The following SNX10 variants were observed in gnomAD, a reference collection of about 807,000 sequenced individuals.
The protein encoded by SNX10 is sorting nexin-10.
A neutral mutation model predicts 28.5 loss-of-function variants in SNX10; 25 were observed. The ratio of observed to expected loss-of-function variants is 0.88; its 90% CI spans 0.64 to 1.22. The LOEUF is 1.22. Ranked by LOEUF, SNX10 falls within the 50% of genes most tolerant of loss-of-function variation. SNX10 has a pLI of 0.00. For synonymous variants in SNX10, 62 were observed against 81.4 expected, an observed-to-expected ratio of 0.76 and a Z score of 1.28; for missense variants, 223 against 242.6, an observed-to-expected ratio of 0.92 and a Z score of 0.54.
intron 1 of SNX10, among the ~76,000 whole-genome samples, chr7:26,334,604 C>T (rs1399909866): frequency 1.3e-5 from 2 of 152,054 alleles, no homozygotes; most frequent in African/African-American, 4.8e-5. Flanking sequence ...CTAAATTTGG[C>T]CTACTATCAA....
At chr7:26,296,066 T>C (rs1786097122) in intron 1 of SNX10, among the ~76,000 whole-genome samples, 1 of 151,780 alleles carries the variant, frequency 6.6e-6, no homozygotes, top group African/African-American at 2.4e-5. Context: ...GCCCAGGAGG[T>C]TGAGGCTGCA....
rs927649582 is a variant in SNX10, at chr7:26,372,424, A to G, written c.525-67A>G. Reference sequence around the variant, plus strand: ...TAATTAAAGTTCTCCTCTGTTACTCAGGCTTTGAGTGTGTTGTGAAAACCA... The same window carrying G: ...TAATTAAAGTTCTCCTCTGTTACTCGGGCTTTGAGTGTGTTGTGAAAACCA... On this transcript the variant is annotated intron_variant, in intron 6 of 6. Transcript: ENST00000338523. The G allele has an allele frequency of 2.3e-5, 22 of 960,798 alleles. No individual in the cohort carries two copies. The East Asian group carries it at 5.0e-4, about 22-fold the overall frequency. The allele number at this position is 960,798 out of a possible 1,614,324, so 59.5% of individuals were successfully genotyped here. A position where few individuals can be genotyped will look rare whatever the true frequency, so the allele number is the denominator to read the frequency against.
intron 1 of SNX10, among the ~76,000 whole-genome samples, chr7:26,327,297 C>G (rs140424378): frequency 1.3e-5 from 2 of 152,264 alleles, no homozygotes; most frequent in African/African-American, 2.4e-5. Context: ...AAGCATATGT[C>G]CACTAGCCAC....
chr7:26,355,978 G>A (rs1383942191), intron 2 of SNX10, among the ~76,000 whole-genome samples: 1 of 152,050 alleles, frequency 6.6e-6, no homozygotes, highest in African/African-American at 2.4e-5. Context: ...TTTGTGAAAC[G>A]GTATAATGCC....
At chr7:26,320,390 G>A (rs1787264781) in intron 1 of SNX10, among the ~76,000 whole-genome samples, 1 of 151,304 alleles carries the variant, frequency 6.6e-6, no homozygotes, top group South Asian at 2.1e-4. Flanking sequence ...GTTTACCTTG[G>A]CATATATTTT....
chr7:26,351,969 A>T (rs957663090), intron 2 of SNX10, among the ~76,000 whole-genome samples: 3 of 152,064 alleles, frequency 2.0e-5, no homozygotes, highest in African/African-American at 7.2e-5. Context: ...AATCTTAATG[A>T]AGTATGGACT....
At position 26,346,404 on chromosome 7, in the gene SNX10, A is replaced by G. The variant is rs766117584; in HGVS notation, c.-23-16A>G. On this transcript the variant is annotated splice_polypyrimidine_tract_variant and intron_variant, in intron 1 of 6. Transcript: ENST00000338523. ...GGAGGTTCCAAATGACCCAGTGTGG[A>G]TATCTTATTTTTCAGATTGATCGTG... 2.6e-6 allele frequency: 4 copies of G among 1,568,552 alleles called. No homozygotes were observed. In the East Asian group the frequency reaches 9.0e-5, roughly 35 times the overall value.
rs574705674 is a variant in SNX10, at chr7:26,364,284, G to A, written c.112-251G>A. The A allele has an allele frequency of 5.2e-6, 6 of 1,152,448 alleles. No individual in the cohort carries two copies. The African/African-American group carries it at 9.5e-5, about 18-fold the overall frequency. The allele number at this position is 1,152,448 out of a possible 1,614,324, so 71.4% of individuals were successfully genotyped here. ...ATAGGTGAGTAGGAGGCTCCTTCAG[G>A]ATGCAGGGAGTGGCCAGGTCATACC... On this transcript the variant is annotated intron_variant, in intron 3 of 6. Transcript: ENST00000338523. The surrounding 1 kb of genome is among the most constrained non-coding windows in gnomAD (Gnocchi z 4.9).
At chr7:26,318,281 C>T (rs972791138) in intron 1 of SNX10, among the ~76,000 whole-genome samples, 1 of 152,062 alleles carries the variant, frequency 6.6e-6, no homozygotes, top group Non-Finnish European at 1.5e-5. Context: ...TGCAGGGATC[C>T]TTGTGCATCC....
At chr7:26,358,636 G>A (rs1209952428) in intron 2 of SNX10, among the ~76,000 whole-genome samples, 1 of 151,864 alleles carries the variant, frequency 6.6e-6, no homozygotes, top group Non-Finnish European at 1.5e-5. Context: ...TACTGGGGGC[G>A]GGGTTGGCTA....
chr7:26,365,069 A>G lies in SNX10; in HGVS notation c.235A>G (p.Lys79Glu). The G allele has an allele frequency of 6.2e-7, 1 of 1,610,374 alleles. No homozygotes were observed. Among genetic ancestry groups the G allele is most frequent in the South Asian group, 1.1e-5 (1 of 90,998 alleles). Residue 79 changes from lysine (K) to glutamate (E), a missense_variant, in exon 5 of 7, where the codon AAA becomes GAA. By Grantham distance (56) the Lys-to-Glu change is moderately conservative (BLOSUM62 1). Coordinates refer to ENST00000338523, the MANE Select transcript of SNX10 (RefSeq NM_013322.3). ...AAGACAACTGCCAGAACTTCCATCT[A>G]AAAACCTGTTTTTCAACATGAACAA... Reference protein sequence around the residue: ...LLVQLPELPSKNLFFNMNNRQ... With the variant: ...LLVQLPELPSENLFFNMNNRQ...
At chr7:26,321,243 G>A (rs1002152943) in intron 1 of SNX10, among the ~76,000 whole-genome samples, 18 of 152,060 alleles carry the variant, frequency 1.2e-4, no homozygotes, top group African/African-American at 4.1e-4. Context: ...TATTTGATGG[G>A]GATGACAATT....
chr7:26,323,578 G>T (rs1423467189), intron 1 of SNX10, among the ~76,000 whole-genome samples: 1 of 152,206 alleles, frequency 6.6e-6, no homozygotes, highest in East Asian at 1.9e-4. Context: ...TTGGGGAAGA[G>T]GGGCCTTGTT....
At chr7:26,361,316 C>G (rs942523481) in intron 3 of SNX10, among the ~76,000 whole-genome samples, 1 of 152,108 alleles carries the variant, frequency 6.6e-6, no homozygotes, top group East Asian at 1.9e-4. Flanking sequence ...AAGATGTGCA[C>G]GCATCTAAAA....
intron 3 of SNX10, 136 bp downstream of exon 3, chr7:26,361,197 C>A: frequency 1.2e-6 from 1 of 833,406 alleles, no homozygotes; most frequent in Non-Finnish European, 1.7e-6. Flanking sequence ...ATGCTTTTAT[C>A]TTACATGAAC....
At chr7:26,318,516 G>A (rs1787180103) in intron 1 of SNX10, among the ~76,000 whole-genome samples, 1 of 152,154 alleles carries the variant, frequency 6.6e-6, no homozygotes, top group South Asian at 2.1e-4. Flanking sequence ...TGCCCAGGTT[G>A]GAGTGCAATG....
At chr7:26,342,032 T>C (rs1175419531) in intron 1 of SNX10, among the ~76,000 whole-genome samples, 7 of 140,302 alleles carry the variant, frequency 5.0e-5, no homozygotes, top group Admixed American at 7.0e-5. Flanking sequence ...TTCTTTCTTT[T>C]TTTTTTTTTT....
intron 1 of SNX10, among the ~76,000 whole-genome samples, chr7:26,336,799 C>T (rs999320897): frequency 1.3e-5 from 2 of 152,198 alleles, no homozygotes; most frequent in Admixed American, 1.3e-4. Flanking sequence ...GGTAGTCTGT[C>T]ATGCAGATGG....
chr7:26,323,194 G>T (rs1787371370), intron 1 of SNX10, among the ~76,000 whole-genome samples: 1 of 152,136 alleles, frequency 6.6e-6, no homozygotes, highest in Admixed American at 6.6e-5. Flanking sequence ...AGGTTGCAGT[G>T]AGCCAGGATC....
Sources: gnomAD v4.1 joint callset for allele counts (sites outside exome capture counted in the v4.1 genomes callset) on GRCh38, gnomAD v4.1.1 for gene constraint, Gnocchi (gnomAD v3.1) non-coding constraint, MANE v1.5 for transcripts, NCBI Gene and HGNC (gene_info 2026-07-23, HGNC 2026-07-21) for gene names.